The following PKIG variants were observed in gnomAD, a reference collection of about 807,000 sequenced individuals.
PKIG encodes protein kinase (cAMP-dependent, catalytic) inhibitor gamma.
PKIG carries 1 observed loss-of-function variant against 6.8 expected under a neutral mutation model. The observed-to-expected ratio is 0.15, with a 90% CI of 0.05 to 0.69. The LOEUF (loss-of-function observed/expected upper bound fraction) is 0.69, where lower values mean the gene tolerates loss of function less well. PKIG is among the 30% of genes least tolerant of loss of function. The pLI is 0.82. For missense variants in PKIG, 77 were observed against 104.0 expected (o/e 0.74, Z 1.13); for synonymous variants, 39 against 43.0 (o/e 0.91, Z 0.36).
chr20:44,552,092 C>G (rs1199865907), intron 1 of PKIG, among the ~76,000 whole-genome samples: 1 of 152,216 alleles, frequency 6.6e-6, no homozygotes, highest in Admixed American at 6.5e-5. Flanking sequence ...TCTCCCTGTG[C>G]TGCTAGAGGT....
rs976238735 is a variant in PKIG, at chr20:44,618,385, G to T, written c.*21G>T. On this transcript the variant is annotated 3_prime_UTR_variant, in exon 4 of 4. Coordinates refer to ENST00000372886, the MANE Select transcript of PKIG (RefSeq NM_001281445.2). ...CTTGAATCTGACCTTGTCCAAGAAG[G>T]CTGGACGAGAGACCTTCTGTCCCCT... 6.4e-7 allele frequency: 1 copy of T among 1,555,200 alleles called. No individual in the cohort carries two copies. Among genetic ancestry groups the T allele is most frequent in the Non-Finnish European group, 8.9e-7 (1 of 1,126,220 alleles).
chr20:44,591,330 C>G (rs189350941), intron 2 of PKIG, among the ~76,000 whole-genome samples: 20 of 152,234 alleles, frequency 1.3e-4, no homozygotes, highest in African/African-American at 4.3e-4. Flanking sequence ...TGAATCTGAA[C>G]TTTATCCTGA....
At chr20:44,570,890 A>G (rs938663509) in intron 1 of PKIG, among the ~76,000 whole-genome samples, 1 of 152,208 alleles carries the variant, frequency 6.6e-6, no homozygotes, top group Non-Finnish European at 1.5e-5. Context: ...AGTGATAAGG[A>G]TAGTTTTATA....
At chr20:44,585,882 C>G (rs1417951103) in intron 1 of PKIG, among the ~76,000 whole-genome samples, 1 of 152,084 alleles carries the variant, frequency 6.6e-6, no homozygotes, top group African/African-American at 2.4e-5. Context: ...ATCTAGAGGG[C>G]AGTGAGAAAT....
chr20:44,561,735 A>AG (rs2064769173), intron 1 of PKIG, among the ~76,000 whole-genome samples: 1 of 152,154 alleles, frequency 6.6e-6, no homozygotes, highest in African/African-American at 2.4e-5. Flanking sequence ...CTCCCACCTC[A>AG]GGTAAATAGG....
chr20:44,533,673 A>C (rs990174818), intron 1 of PKIG, among the ~76,000 whole-genome samples: 7 of 151,998 alleles, frequency 4.6e-5, no homozygotes, highest in African/African-American at 1.7e-4. Context: ...ATCCATCCAG[A>C]GAGGTTGACA....
chr20:44,588,965 C>A (rs906387688), intron 1 of PKIG, among the ~76,000 whole-genome samples: 1 of 152,146 alleles, frequency 6.6e-6, no homozygotes, highest in Admixed American at 6.5e-5. Flanking sequence ...AGATAATGTA[C>A]AAAGTGAAAG....
At chr20:44,618,213 C>T in intron 3 of PKIG, 72 bp from the exon 4 acceptor site, 3 of 980,688 alleles carry the variant, frequency 3.1e-6, no homozygotes, top group South Asian at 2.6e-5. Flanking sequence ...TTGGCTGGGC[C>T]CTTTCACACC....
At chr20:44,557,249 C>T (rs184201253) in intron 1 of PKIG, among the ~76,000 whole-genome samples, 159 of 152,098 alleles carry the variant, frequency 1.0e-3, no homozygotes, top group African/African-American at 3.5e-3. Context: ...GTGGGCTGGG[C>T]GCGGTGGCTC....
chr20:44,532,467 A>G (rs2064475493), intron 1 of PKIG, among the ~76,000 whole-genome samples: 1 of 152,104 alleles, frequency 6.6e-6, no homozygotes, highest in Non-Finnish European at 1.5e-5. Flanking sequence ...TATTACTACT[A>G]CTACAAGGAG....
In PKIG at chr20:44,610,500, T is replaced by TCACACACACACA. The variant is rs559846553; in HGVS notation, c.-23-4016_-23-4005dup. The stretch of plus-strand genomic sequence containing the variant: ...TCTCTCTCTCTTCTCTCTCTCTCTC[T>TCACACACACACA]CACACACACACACACACACACACAC... On this transcript the variant is annotated intron_variant, in intron 2 of 3. Transcript: ENST00000372886. Among the ~76,000 whole-genome samples, 161 of 135,458 alleles carry TCACACACACACA rather than the reference T, an allele frequency of 1.2e-3. 1 individual carries two copies. The highest frequency in any genetic ancestry group is 3.8e-3 in the Middle Eastern group (1 of 266). The allele number at this position is 135,458 out of a possible 152,430, so 88.9% of individuals were successfully genotyped here. A position where few individuals can be genotyped will look rare whatever the true frequency, so the allele number is the denominator to read the frequency against.
In PKIG at chr20:44,558,246, T is replaced by A. The variant is rs943419661; in HGVS notation, c.-240-24339T>A. ...ATATTAGTAGTACTGGTAGTTAACATTTATGGAACACTTCATATATTTTAC... is the reference window on the plus strand; with the variant it reads ...ATATTAGTAGTACTGGTAGTTAACAATTATGGAACACTTCATATATTTTAC... On this transcript the variant is annotated intron_variant, in intron 1 of 4. Coordinates refer to the PKIG transcript ENST00000372887. Among the ~76,000 whole-genome samples the A allele has an allele frequency of 2.0e-5, 3 of 152,334 alleles. No individual in the cohort carries two copies. In the East Asian group the frequency reaches 5.8e-4, roughly 29 times the overall value.
At chr20:44,539,138 G>A (rs866173602) in intron 1 of PKIG, among the ~76,000 whole-genome samples, 6 of 151,818 alleles carry the variant, frequency 4.0e-5, no homozygotes, top group Admixed American at 6.6e-5. Context: ...TATTTTGGCC[G>A]GGCTGGTCTC....
chr20:44,555,626 A>T (rs1035174459), intron 1 of PKIG, among the ~76,000 whole-genome samples: 1 of 152,188 alleles, frequency 6.6e-6, no homozygotes, highest in Non-Finnish European at 1.5e-5. Context: ...CATCCTGTTC[A>T]TACTCTGAAA....
intron 3 of PKIG, among the ~76,000 whole-genome samples, chr20:44,615,647 G>C (rs1331758998): frequency 7.9e-5 from 12 of 152,156 alleles, no homozygotes; most frequent in Admixed American, 5.2e-4. Context: ...CAGAGGCCGT[G>C]TGTGCTTCTC....
intron 1 of PKIG, among the ~76,000 whole-genome samples, chr20:44,565,533 G>A (rs768527254): frequency 1.3e-5 from 2 of 152,216 alleles, no homozygotes; most frequent in Non-Finnish European, 2.9e-5. Context: ...CACCACTGCT[G>A]CCTTTACCAG....
At chr20:44,593,883 A>C (rs771217977) in intron 2 of PKIG, among the ~76,000 whole-genome samples, 11 of 152,350 alleles carry the variant, frequency 7.2e-5, no homozygotes, top group Admixed American at 1.3e-4. Context: ...ACTGAAAAAA[A>C]TTTAAAGAAT....
intron 2 of PKIG, among the ~76,000 whole-genome samples, chr20:44,603,296 CATTT>C (rs201203241): frequency 0.018 from 2,729 of 152,280 alleles, 34 homozygotes; most frequent in Non-Finnish European, 0.026. Flanking sequence ...CCATCCTAAT[CATTT>C]ATTAATTGCA....
At chr20:44,583,299 T>C (rs1352684522) in intron 1 of PKIG, among the ~76,000 whole-genome samples, 2 of 152,244 alleles carry the variant, frequency 1.3e-5, no homozygotes, top group African/African-American at 2.4e-5. Context: ...TGGAAATCTT[T>C]AACCTTGGGT....
Sources: allele counts gnomAD v4.1 joint callset (sites outside exome capture counted in the v4.1 genomes callset), GRCh38; gene constraint gnomAD v4.1.1; transcripts MANE v1.5; gene names NCBI Gene and HGNC (gene_info 2026-07-23, HGNC 2026-07-21).